Variants in HTR1F observed in about 807,000 individuals in gnomAD.
HTR1F encodes the protein 5-hydroxytryptamine (serotonin) receptor 1F, G protein-coupled.
HTR1F carries 17 observed loss-of-function variants against 24.0 expected under a neutral mutation model. That is an observed-to-expected ratio of 0.71 (90% CI 0.48 to 1.06). The LOEUF (loss-of-function observed/expected upper bound fraction) is 1.06, where lower values mean the gene tolerates loss of function less well. Among genes scored for constraint, HTR1F ranks in the 50% least tolerant of loss-of-function variants. The probability of loss-of-function intolerance (pLI) is 0.00; values close to 1 mark genes in which losing one functional copy is unlikely to be tolerated. For missense variants in HTR1F, 391 were observed against 427.8 expected (o/e 0.91, Z 0.76); for synonymous variants, 186 against 156.8 (o/e 1.19, Z -1.39).
intron 2 of HTR1F, among the ~76,000 whole-genome samples, chr3:87,969,714 GA>G (rs1705246304): frequency 6.6e-6 from 1 of 152,198 alleles, no homozygotes; most frequent in African/African-American, 2.4e-5. Context: ...GAACTGTTGA[GA>G]AGGCATGATT....
intron 2 of HTR1F, among the ~76,000 whole-genome samples, chr3:87,898,003 C>T (rs1184032849): frequency 6.6e-6 from 1 of 151,966 alleles, no homozygotes; most frequent in Non-Finnish European, 1.5e-5. Context: ...GATGAATGAA[C>T]AAGCAGATGA....
At chr3:87,947,909 G>A (rs765814121) in intron 2 of HTR1F, among the ~76,000 whole-genome samples, 8 of 151,840 alleles carry the variant, frequency 5.3e-5, no homozygotes, top group Non-Finnish European at 1.0e-4. Context: ...CTTTAAATTT[G>A]TCTTAATAGT....
intron 1 of HTR1F, among the ~76,000 whole-genome samples, chr3:87,798,280 C>T (rs1254599781): frequency 6.6e-6 from 1 of 152,100 alleles, no homozygotes; most frequent in Non-Finnish European, 1.5e-5. Context: ...CCAGTTCCAA[C>T]TCCTGTATGT....
chr3:87,826,475 C>A (rs1704464256), intron 2 of HTR1F, among the ~76,000 whole-genome samples: 1 of 152,174 alleles, frequency 6.6e-6, no homozygotes, highest in Non-Finnish European at 1.5e-5. Context: ...AAGTCCATGT[C>A]TTTTTAATCC....
At chr3:87,905,344 A>C (rs376804571) in intron 2 of HTR1F, among the ~76,000 whole-genome samples, 103 of 152,146 alleles carry the variant, frequency 6.8e-4, no homozygotes, top group African/African-American at 2.4e-3. Flanking sequence ...GTAAAAAAAA[A>C]ACACCAAGAA....
chr3:87,891,474 A>C (rs1017556744), intron 2 of HTR1F, among the ~76,000 whole-genome samples: 2 of 152,186 alleles, frequency 1.3e-5, no homozygotes, highest in Non-Finnish European at 2.9e-5. Flanking sequence ...AAGCATTTCA[A>C]AAACACCTAA....
chr3:87,885,845 T>A (rs1172057995), intron 2 of HTR1F, among the ~76,000 whole-genome samples: 1 of 152,038 alleles, frequency 6.6e-6, no homozygotes, highest in Non-Finnish European at 1.5e-5. Context: ...GAGGCAATAA[T>A]CAATAGCCTA....
chr3:87,846,060 C>A (rs889653755), intron 2 of HTR1F, among the ~76,000 whole-genome samples: 25 of 151,878 alleles, frequency 1.6e-4, no homozygotes, highest in Non-Finnish European at 4.4e-5. Context: ...ACCAAATTTC[C>A]TACTCAGGTG....
chr3:87,877,689 T>C (rs770137197), intron 2 of HTR1F, among the ~76,000 whole-genome samples: 22 of 152,144 alleles, frequency 1.4e-4, no homozygotes, highest in Non-Finnish European at 2.4e-4. Context: ...GAGCAGAGCT[T>C]CAACTGACTC....
intron 2 of HTR1F, among the ~76,000 whole-genome samples, chr3:87,904,150 A>G (rs1703601971): frequency 6.6e-6 from 1 of 152,146 alleles, no homozygotes; most frequent in East Asian, 1.9e-4. Context: ...TCAGAAAAAG[A>G]CAAGTTAAAA....
chr3:87,913,708 A>G (rs897567957), intron 2 of HTR1F, among the ~76,000 whole-genome samples: 1 of 152,220 alleles, frequency 6.6e-6, no homozygotes, highest in African/African-American at 2.4e-5. Flanking sequence ...CAGATTGGGT[A>G]AAATAAATGT....
rs143949959 is a variant in HTR1F, at chr3:87,802,960, G to GC, written c.-160+10119dup. On this transcript the variant is annotated intron_variant, in intron 1 of 2. Coordinates refer to ENST00000319595, the MANE Select transcript of HTR1F (RefSeq NM_001322209.2). ...TAGCAGGTTCTTTAGAATCTTGGCA[G>GC]CTGCTTGACAAGCCAAGGAGGACCC... Among the ~76,000 whole-genome samples the GC allele has an allele frequency of 1.2e-3, 190 of 152,286 alleles. 1 individual carries two copies. Among genetic ancestry groups the GC allele is most frequent in the East Asian group, 4.6e-3 (24 of 5,176 alleles).
At chr3:87,865,953 AC>A (rs1705417902) in intron 2 of HTR1F, among the ~76,000 whole-genome samples, 1 of 152,168 alleles carries the variant, frequency 6.6e-6, no homozygotes, top group Non-Finnish European at 1.5e-5. Flanking sequence ...GATATCAATC[AC>A]CAGCAATGAA....
intron 2 of HTR1F, among the ~76,000 whole-genome samples, chr3:87,891,458 T>C (rs954559759): frequency 1.3e-5 from 2 of 152,118 alleles, no homozygotes; most frequent in African/African-American, 4.8e-5. Context: ...AACACCTAAA[T>C]CCCTCAAGCA....
chr3:87,915,495 C>T (rs1703873574), intron 2 of HTR1F, among the ~76,000 whole-genome samples: 2 of 151,966 alleles, frequency 1.3e-5, no homozygotes, highest in Non-Finnish European at 1.5e-5. Flanking sequence ...AAGAAATAGA[C>T]AGCATAAAGA....
chr3:87,826,938 G>A (rs1704476221), intron 2 of HTR1F, among the ~76,000 whole-genome samples: 1 of 151,960 alleles, frequency 6.6e-6, no homozygotes, highest in Admixed American at 6.6e-5. Context: ...AGCCTCCCAA[G>A]TAGCTGGGAC....
intron 2 of HTR1F, among the ~76,000 whole-genome samples, chr3:87,914,980 T>A (rs1382335854): frequency 3.3e-5 from 5 of 152,090 alleles, no homozygotes; most frequent in Admixed American, 2.6e-4. Context: ...GGTGCTGGTA[T>A]CCATGGCTGA....
chr3:87,808,203 T>C (rs1459649300), intron 1 of HTR1F, among the ~76,000 whole-genome samples: 1 of 152,018 alleles, frequency 6.6e-6, no homozygotes, highest in Non-Finnish European at 1.5e-5. Context: ...AGTTAGTTCT[T>C]CTTTGACAGT....
At chr3:87,800,908 A>G (rs1282829600) in intron 1 of HTR1F, among the ~76,000 whole-genome samples, 1 of 152,234 alleles carries the variant, frequency 6.6e-6, no homozygotes, top group Non-Finnish European at 1.5e-5. Flanking sequence ...AATCTTCTGT[A>G]TCTACAGTCT....
Sources: gnomAD v4.1 joint callset for allele counts (sites outside exome capture counted in the v4.1 genomes callset) on GRCh38, gnomAD v4.1.1 for gene constraint, MANE v1.5 for transcripts, NCBI Gene and HGNC (gene_info 2026-07-23, HGNC 2026-07-21) for gene names.